ATF2: variants seen among roughly 807,000 people sequenced by gnomAD.
ATF2 encodes activating transcription factor 2, also known as cyclic AMP-dependent transcription factor ATF-2.
A neutral mutation model predicts 60.6 loss-of-function variants in ATF2; 24 were observed. That is an observed-to-expected ratio of 0.40 (90% confidence interval 0.29 to 0.56). The LOEUF is 0.56. Among genes scored for constraint, ATF2 ranks in the 20% least tolerant of loss-of-function variants. The probability of loss-of-function intolerance (pLI) is 0.54; values close to 1 mark genes in which losing one functional copy is unlikely to be tolerated. For synonymous variants in ATF2, 206 were observed against 215.4 expected (o/e 0.96, Z 0.38); for missense variants, 433 against 607.7 (o/e 0.71, Z 3.02).
chr2:175,145,401 C>A (rs1021393976), intron 2 of ATF2, among the ~76,000 whole-genome samples: 11 of 152,174 alleles, frequency 7.2e-5, no homozygotes, highest in African/African-American at 2.7e-4. Context: ...CTGCAACTCT[C>A]TTCCTGCTCC....
At chr2:175,077,518 C>T (rs1220245995) in intron 13 of ATF2, among the ~76,000 whole-genome samples, 1 of 152,174 alleles carries the variant, frequency 6.6e-6, no homozygotes, top group African/African-American at 2.4e-5. Context: ...TTTAAAAGAA[C>T]AACAGGCTGA....
At chr2:175,148,193 A>G (rs1055672661) in intron 2 of ATF2, among the ~76,000 whole-genome samples, 1 of 152,140 alleles carries the variant, frequency 6.6e-6, no homozygotes, top group Admixed American at 6.5e-5. Flanking sequence ...TGGATCCGAG[A>G]GTCTCCAGTA....
chr2:175,137,720 C>T (rs1256269431), intron 2 of ATF2, among the ~76,000 whole-genome samples: 1 of 152,024 alleles, frequency 6.6e-6, no homozygotes, highest in Non-Finnish European at 1.5e-5. Flanking sequence ...TACCCTTCTC[C>T]TTAATCTTTT....
intron 10 of ATF2, among the ~76,000 whole-genome samples, chr2:175,102,027 C>T (rs958149075): frequency 6.6e-6 from 1 of 151,948 alleles, no homozygotes; most frequent in South Asian, 2.1e-4. Flanking sequence ...TACAATCCAG[C>T]CATACATATT....
chr2:175,121,256 C>G (rs1337876929), intron 5 of ATF2, among the ~76,000 whole-genome samples, 188 bp downstream of exon 5: 1 of 151,450 alleles, frequency 6.6e-6, no homozygotes, highest in Non-Finnish European at 1.5e-5. Flanking sequence ...GAAAACCACA[C>G]AAAAAAATGA....
chr2:175,147,368 A>T (rs1234629318), intron 2 of ATF2, among the ~76,000 whole-genome samples: 1 of 152,218 alleles, frequency 6.6e-6, no homozygotes, highest in Non-Finnish European at 1.5e-5. Context: ...CAGTCTACAA[A>T]AATGGGAGGG....
chr2:175,098,779 A>C (rs539172530), intron 10 of ATF2, among the ~76,000 whole-genome samples: 22 of 152,308 alleles, frequency 1.4e-4, no homozygotes, highest in Admixed American at 6.5e-4. Context: ...ACTTCAACTA[A>C]GAACAATTCA....
intron 2 of ATF2, among the ~76,000 whole-genome samples, chr2:175,142,239 T>C (rs1357628036): frequency 1.3e-5 from 2 of 149,758 alleles, no homozygotes; most frequent in African/African-American, 5.0e-5. Context: ...CAGGCTGGAG[T>C]GCAATGTTGC....
chr2:175,108,336 CG>C (rs1695873124), intron 10 of ATF2, among the ~76,000 whole-genome samples: 1 of 151,614 alleles, frequency 6.6e-6, no homozygotes, highest in Admixed American at 6.6e-5. Context: ...GGTCAACCCC[CG>C]CCCGGCCAGC....
intron 2 of ATF2, among the ~76,000 whole-genome samples, chr2:175,144,396 T>C (rs1559111863): frequency 2.6e-5 from 4 of 152,160 alleles, no homozygotes; most frequent in Non-Finnish European, 2.9e-5. Flanking sequence ...CTAGAGTTAT[T>C]AGACAGGCTC....
intron 12 of ATF2, among the ~76,000 whole-genome samples, chr2:175,084,295 A>C (rs977145203): frequency 3.3e-5 from 5 of 152,140 alleles, no homozygotes; most frequent in African/African-American, 1.2e-4. Flanking sequence ...CATATACACC[A>C]TGGAATACTA....
intron 3 of ATF2, among the ~76,000 whole-genome samples, chr2:175,131,226 G>T (rs554627424): frequency 6.6e-6 from 1 of 152,284 alleles, no homozygotes; most frequent in Admixed American, 6.5e-5. Context: ...GCACTGGTAG[G>T]TGCAAGGATG....
rs145636489 is a variant in ATF2, at chr2:175,153,167, T to C, written c.-142-2009A>G. 3.7e-3 allele frequency among the ~76,000 whole-genome samples: 568 copies of C among 152,312 alleles called. 1 individual carries two copies. Among genetic ancestry groups the C allele is most frequent in the Non-Finnish European group, 6.4e-3 (432 of 68,028 alleles). On this transcript the variant is annotated intron_variant, in intron 1 of 13. Coordinates refer to ENST00000264110, the MANE Select transcript of ATF2 (RefSeq NM_001880.4). ...ATAGCTTATGTCTTAACACATGCAATGTTAAGATAATCACCCAGACTTTGA... is the reference window on the plus strand; with the variant it reads ...ATAGCTTATGTCTTAACACATGCAACGTTAAGATAATCACCCAGACTTTGA...
Position 175,074,420 on chromosome 2 carries a change from T to C in ATF2, c.*189A>G, listed in dbSNP as rs1693137969. 1.9e-6 allele frequency: 1 copy of C among 519,596 alleles called. No individual in the cohort carries two copies. Among genetic ancestry groups the C allele is most frequent in the Non-Finnish European group, 3.2e-6 (1 of 317,000 alleles). The allele number at this position is 519,596 out of a possible 1,614,324, so 32.2% of individuals were successfully genotyped here. On this transcript the variant is annotated 3_prime_UTR_variant, in exon 14 of 14. Transcript: ENST00000264110. ...ATAAAAAAAGCAAAATCAGTCTTTTTCCAGAGACTAAAAACCGTTTTTCAG... is the reference window on the plus strand; with the variant it reads ...ATAAAAAAAGCAAAATCAGTCTTTTCCCAGAGACTAAAAACCGTTTTTCAG...
chr2:175,102,058 G>C (rs965592893), intron 10 of ATF2, among the ~76,000 whole-genome samples: 8 of 151,936 alleles, frequency 5.3e-5, no homozygotes, highest in Non-Finnish European at 4.4e-5. Context: ...ATTTGAAGAA[G>C]GCCAAATACT....
rs1461882499 is a variant in ATF2 at position 175,083,640 on chromosome 2, A to C, written c.1186-2875T>G. 2.6e-5 allele frequency among the ~76,000 whole-genome samples: 4 copies of C among 152,290 alleles called. No individual in the cohort carries two copies. The East Asian group carries it at 7.7e-4, about 29-fold the overall frequency. ...AATGGCAACAAAAGCCAAAATTGACAAATGGGATCTAATTAAACTAAAGAG... is the reference window on the plus strand; with the variant it reads ...AATGGCAACAAAAGCCAAAATTGACCAATGGGATCTAATTAAACTAAAGAG... On this transcript the variant is annotated intron_variant, in intron 12 of 13. Coordinates refer to ENST00000264110, the MANE Select transcript of ATF2 (RefSeq NM_001880.4).
rs577558490 is a variant in ATF2 at position 175,113,583 on chromosome 2, T to C, written c.741+411A>G. On this transcript the variant is annotated intron_variant, in intron 9 of 13. Coordinates refer to ENST00000264110, the MANE Select transcript of ATF2 (RefSeq NM_001880.4). ...ATTTACATTTTAACATGCTGGGCTA[T>C]CAAAGATTCTACAAACCCTACTTGA... Among the ~76,000 whole-genome samples, 36 of 152,236 alleles carry C rather than the reference T, an allele frequency of 2.4e-4. 1 individual carries two copies. In the South Asian group the frequency reaches 6.0e-3, roughly 25 times the overall value.
In ATF2 at chr2:175,080,684, T is replaced by G; in HGVS notation, c.1267A>C (p.Met423Leu). 1.9e-6 allele frequency: 3 copies of G among 1,613,064 alleles called. No homozygotes were observed. The highest frequency in any genetic ancestry group is 2.5e-6 in the Non-Finnish European group (3 of 1,179,268). Reference sequence around the variant, plus strand: ...CTATGATAGCCAGATTTCTTCTGCATGGCGGTTACAGGGCAATCTTTATGA... The same window carrying G: ...CTATGATAGCCAGATTTCTTCTGCAGGGCGGTTACAGGGCAATCTTTATGA... ...LAHKDCPVTA[M>L]QKKSGYHTAD... Residue 423 changes from methionine (M) to leucine (L), a missense_variant, in exon 13 of 14, where the codon ATG (methionine) becomes CTG (leucine). By Grantham distance (15) the Met-to-Leu change is conservative. Coordinates refer to ENST00000264110, the MANE Select transcript of ATF2 (RefSeq NM_001880.4).
chr2:175,154,483 A>T (rs12613579), intron 1 of ATF2, among the ~76,000 whole-genome samples: 10,437 of 151,232 alleles, frequency 0.069, 354 homozygotes, highest in East Asian at 0.12. Context: ...ACTTTTTTTT[A>T]AAAAAAAGTA....
Sources: gnomAD v4.1 joint callset for allele counts (sites outside exome capture counted in the v4.1 genomes callset) on GRCh38, gnomAD v4.1.1 for gene constraint, MANE v1.5 for transcripts, NCBI Gene and HGNC (gene_info 2026-07-23, HGNC 2026-07-21) for gene names.